Variants in VAV1 observed in about 807,000 individuals in gnomAD.
VAV1 encodes proto-oncogene vav.
A neutral mutation model predicts 128.1 loss-of-function variants in VAV1; 33 were observed. The ratio of observed to expected loss-of-function variants is 0.26; its 90% CI spans 0.20 to 0.34. VAV1 has a LOEUF of 0.34. Ranked by LOEUF, VAV1 falls within the 10% of genes least tolerant of loss-of-function variation. The pLI, the probability that VAV1 is intolerant of heterozygous loss-of-function variation, is 1.00. For synonymous variants in VAV1, 394 were observed against 409.8 expected, an observed-to-expected ratio of 0.96 and a Z score of 0.47; for missense variants, 715 against 1,093.7, an observed-to-expected ratio of 0.65 and a Z score of 4.88.
intron 25 of VAV1, among the ~76,000 whole-genome samples, chr19:6,853,626 G>T (rs1184335020): frequency 6.6e-6 from 1 of 151,852 alleles, no homozygotes; most frequent in East Asian, 1.9e-4. Context: ...CGTGATTCAG[G>T]AGGCTGAGGC....
chr19:6,843,818 TTC>T (rs974429583), intron 22 of VAV1, among the ~76,000 whole-genome samples: 13 of 152,220 alleles, frequency 8.5e-5, no homozygotes, highest in African/African-American at 3.1e-4. Flanking sequence ...TGTTTTTTTT[TTC>T]TTCTTCACAT....
chr19:6,776,580 T>C (rs1215023710), intron 1 of VAV1, among the ~76,000 whole-genome samples: 1 of 121,166 alleles, frequency 8.3e-6, no homozygotes, highest in Non-Finnish European at 1.8e-5. Flanking sequence ...ATTCACCCAC[T>C]CATCCGTCCA....
chr19:6,783,527 T>G (rs1285032727), intron 1 of VAV1, among the ~76,000 whole-genome samples: 1 of 141,294 alleles, frequency 7.1e-6, no homozygotes, highest in African/African-American at 2.7e-5. Flanking sequence ...CAGGCTGGAG[T>G]GCAATGGCGC....
At chr19:6,773,066 G>A in intron 1 of VAV1, 55 bp downstream of exon 1, 9 of 1,605,034 alleles carry the variant, frequency 5.6e-6, no homozygotes, top group Non-Finnish European at 7.7e-6. Flanking sequence ...TCCTCCCCGG[G>A]GCTGACAGTC....
chr19:6,782,706 C>T (rs531422195), intron 1 of VAV1, among the ~76,000 whole-genome samples: 44 of 151,894 alleles, frequency 2.9e-4, no homozygotes, highest in Non-Finnish European at 6.0e-4. Context: ...ATACAAGATC[C>T]CCATCTCTAC....
In VAV1 at chr19:6,774,427, C is replaced by CTTTTTTTTT. The variant is rs1002823385; in HGVS notation, c.204+1433_204+1441dup. 1.6e-4 allele frequency among the ~76,000 whole-genome samples: 15 copies of CTTTTTTTTT among 91,566 alleles called. 1 individual carries two copies. The highest frequency in any genetic ancestry group is 7.3e-4 in the African/African-American group (13 of 17,794). 60.1% of individuals were successfully genotyped at this position (91,566 alleles called of 152,430 possible). ...ACAGGTGTGAGCCACCGCGCCCAGC[C>CTTTTTTTTT]TTTTTTTTTTTTTTTTTTTTTTTTT... On this transcript the variant is annotated intron_variant, in intron 1 of 26. Transcript: ENST00000602142.
intron 1 of VAV1, among the ~76,000 whole-genome samples, chr19:6,798,997 G>A (rs1168243916): frequency 2.6e-5 from 4 of 150,996 alleles, no homozygotes; most frequent in African/African-American, 7.3e-5. Flanking sequence ...ATTTCCTGGA[G>A]TTTTATGTAA....
intron 21 of VAV1, 127 bp downstream of exon 21, chr19:6,837,177 T>A: frequency 1.1e-6 from 1 of 949,194 alleles, no homozygotes; most frequent in African/African-American, 1.6e-5. Flanking sequence ...GGTCTTTCTC[T>A]AACTCAAGGC....
In VAV1 at chr19:6,777,227, G is replaced by A. The variant is rs995875011; in HGVS notation, c.204+4216G>A. ...CATTCATTCATCCATCCATTTATCT[G>A]TTTAACTATCCATCCATCCATCCAT... On this transcript the variant is annotated intron_variant, in intron 1 of 26. Transcript: ENST00000602142. This position sits in a 1 kb window ranked among gnomAD's most constrained non-coding sequence, Gnocchi z 4.4. Among the ~76,000 whole-genome samples the A allele has an allele frequency of 3.7e-5, 5 of 136,342 alleles. No homozygotes were observed. Among genetic ancestry groups the A allele is most frequent in the African/African-American group, 5.6e-5 (2 of 35,446 alleles). The allele number at this position is 136,342 out of a possible 152,430, so 89.4% of individuals were successfully genotyped here.
chr19:6,792,171 G>A (rs895367939), intron 1 of VAV1, among the ~76,000 whole-genome samples: 1 of 152,060 alleles, frequency 6.6e-6, no homozygotes, highest in African/African-American at 2.4e-5. Context: ...GGGCAACATA[G>A]TGAGATCCCA....
Position 6,826,960 on chromosome 19 carries a change from T to A in VAV1, c.927+249T>A. On this transcript the variant is annotated intron_variant, in intron 9 of 26. Coordinates refer to ENST00000602142, the MANE Select transcript of VAV1 (RefSeq NM_005428.4). The surrounding 1 kb of genome is among the most constrained non-coding windows in gnomAD (Gnocchi z 4.1). ...GTCCTGACCCTGAACTGAGCTCTGATCTCACACTCAACCCCAGCCCTGGGC... is the reference window on the plus strand; with the variant it reads ...GTCCTGACCCTGAACTGAGCTCTGAACTCACACTCAACCCCAGCCCTGGGC... The A allele has an allele frequency of 1.9e-6, 1 of 540,086 alleles. No individual in the cohort carries two copies. The highest frequency in any genetic ancestry group is 2.1e-5 in the South Asian group (1 of 46,552). The allele number at this position is 540,086 out of a possible 1,614,324, so 33.5% of individuals were successfully genotyped here. A position where few individuals can be genotyped will look rare whatever the true frequency, so the allele number is the denominator to read the frequency against.
intron 1 of VAV1, among the ~76,000 whole-genome samples, chr19:6,819,664 G>A (rs75944137): frequency 0.015 from 2,352 of 152,260 alleles, 75 homozygotes; most frequent in African/African-American, 0.054. Context: ...CTCTACTGAC[G>A]AGTCTGCTTT....
intron 14 of VAV1, 136 bp from the exon 15 acceptor site, chr19:6,831,955 G>T: frequency 4.6e-6 from 3 of 653,276 alleles, no homozygotes; most frequent in Non-Finnish European, 7.8e-6. Flanking sequence ...CTTTTACAAG[G>T]ATATCCATGC....
intron 1 of VAV1, among the ~76,000 whole-genome samples, chr19:6,805,134 C>T (rs1228598495): frequency 2.6e-5 from 4 of 151,518 alleles, no homozygotes; most frequent in East Asian, 2.0e-4. Context: ...CCATGAAAAG[C>T]GGTGGTAAGG....
chr19:6,824,001 G>A (rs554850899), intron 6 of VAV1, among the ~76,000 whole-genome samples: 1 of 151,322 alleles, frequency 6.6e-6, no homozygotes, highest in African/African-American at 2.4e-5. Context: ...GCAGTGGCAC[G>A]ATCATAGTTC....
At chr19:6,843,800 T>A (rs956234659) in intron 22 of VAV1, among the ~76,000 whole-genome samples, 1 of 152,134 alleles carries the variant, frequency 6.6e-6, no homozygotes, top group Non-Finnish European at 1.5e-5. Context: ...TGTTCTAAGA[T>A]GCATGGTTGT....
chr19:6,857,227 A>T lies in VAV1; in HGVS notation c.*120A>T. ...TGGAGACTTTGGGATGGACTGGAGG[A>T]GGCCAGCGTCCAGCTGGCGGTGCTC... On this transcript the variant is annotated 3_prime_UTR_variant, in exon 27 of 27. Coordinates refer to ENST00000602142, the MANE Select transcript of VAV1 (RefSeq NM_005428.4). 2.2e-6 allele frequency: 3 copies of T among 1,388,270 alleles called. No homozygotes were observed. The highest frequency in any genetic ancestry group is 2.9e-6 in the Non-Finnish European group (3 of 1,019,886). 86.0% of individuals were successfully genotyped at this position (1,388,270 alleles called of 1,614,324 possible).
intron 14 of VAV1, among the ~76,000 whole-genome samples, chr19:6,831,566 C>T (rs1294488415): frequency 6.6e-6 from 1 of 152,186 alleles, no homozygotes; most frequent in African/African-American, 2.4e-5. Context: ...CCCACCTCAG[C>T]CTCCCAAAAT....
intron 1 of VAV1, among the ~76,000 whole-genome samples, chr19:6,786,357 G>A (rs1970893880): frequency 6.6e-6 from 1 of 152,142 alleles, no homozygotes; most frequent in Admixed American, 6.6e-5. Flanking sequence ...AGCTACCCGG[G>A]AGGCTGAGAT....
Sources: gnomAD v4.1 joint callset for allele counts (sites outside exome capture counted in the v4.1 genomes callset) on GRCh38, gnomAD v4.1.1 for gene constraint, Gnocchi (gnomAD v3.1) non-coding constraint, MANE v1.5 for transcripts, NCBI Gene and HGNC (gene_info 2026-07-23, HGNC 2026-07-21) for gene names.